MYO1B: variants seen among roughly 807,000 people sequenced by gnomAD.
MYO1B encodes unconventional myosin-Ib.
In MYO1B, 72 loss-of-function variants were observed where a neutral mutation model predicts 159.7. The observed-to-expected ratio is 0.45, with a 90% confidence interval of 0.37 to 0.55. The LOEUF (loss-of-function observed/expected upper bound fraction) is 0.55. MYO1B is among the 20% of genes least tolerant of loss of function. The pLI, the probability that MYO1B is intolerant of heterozygous loss-of-function variation, is 0.00. For synonymous variants in MYO1B, 468 were observed against 473.8 expected (o/e 0.99, Z 0.16); for missense variants, 1,062 against 1,364.8 (o/e 0.78, Z 3.50).
intron 9 of MYO1B, among the ~76,000 whole-genome samples, chr2:191,363,243 G>C (rs1332662006): frequency 6.6e-6 from 1 of 152,148 alleles, no homozygotes; most frequent in African/African-American, 2.4e-5. Flanking sequence ...GAACCACTTT[G>C]CCTGGCACGT....
chr2:191,267,316 A>G (rs1156280465), intron 1 of MYO1B, among the ~76,000 whole-genome samples: 1 of 152,186 alleles, frequency 6.6e-6, no homozygotes, highest in Non-Finnish European at 1.5e-5. Context: ...GAATTTGAAC[A>G]CAAGTCAACA....
rs1375624323 is a variant in MYO1B, at chr2:191,369,582, G to A, written c.1073G>A (p.Ser358Asn). 1.2e-6 allele frequency: 2 copies of A among 1,613,424 alleles called. No individual in the cohort carries two copies. The highest frequency in any genetic ancestry group is 2.7e-5 in the African/African-American group (2 of 74,864). ...GATGCTCTGGCTAAAAACCTCTACA[G>A]CAGGTTGTTTTCATGGTTGGTAAAT... is the stretch of plus-strand genomic sequence containing the variant. ...ARDALAKNLY[S>N]RLFSWLVNRI... is the part of the protein sequence containing the mutation. The change falls in exon 12 of 31, where the codon AGC (serine) becomes AAC (asparagine). Residue 358 changes from serine to asparagine, a missense_variant. Physicochemically the swap from Ser to Asn is conservative, Grantham distance 46. Coordinates refer to ENST00000392318, the MANE Select transcript of MYO1B (RefSeq NM_001130158.3).
At chr2:191,329,033 C>G (rs1210537820) in intron 3 of MYO1B, among the ~76,000 whole-genome samples, 1 of 152,184 alleles carries the variant, frequency 6.6e-6, no homozygotes, top group Admixed American at 6.5e-5. Context: ...TACACTCCAG[C>G]TTTTTCTTGA....
intron 19 of MYO1B, 118 bp from the exon 20 acceptor site, chr2:191,392,955 C>G (rs1267060780): frequency 1.2e-6 from 1 of 858,564 alleles, no homozygotes; most frequent in Non-Finnish European, 1.8e-6. Flanking sequence ...TTTTTCAGTT[C>G]TTTTTTTCAA....
At chr2:191,304,831 C>A (rs1160561989) in intron 3 of MYO1B, among the ~76,000 whole-genome samples, 1 of 152,086 alleles carries the variant, frequency 6.6e-6, no homozygotes, top group Non-Finnish European at 1.5e-5. Context: ...AGTTTATATC[C>A]CTTCTCACCA....
At chr2:191,285,934 G>C (rs1300172540) in intron 2 of MYO1B, among the ~76,000 whole-genome samples, 1 of 152,082 alleles carries the variant, frequency 6.6e-6, no homozygotes, top group Non-Finnish European at 1.5e-5. Context: ...ACAGGAAATG[G>C]ACCTGGATGC....
At chr2:191,314,944 T>C (rs1018683752) in intron 3 of MYO1B, among the ~76,000 whole-genome samples, 2 of 152,218 alleles carry the variant, frequency 1.3e-5, no homozygotes, top group Admixed American at 6.5e-5. Context: ...GCTATATTTT[T>C]AAATTGTAGA....
chr2:191,318,652 T>C (rs1456042779), intron 3 of MYO1B, among the ~76,000 whole-genome samples: 1 of 152,182 alleles, frequency 6.6e-6, no homozygotes, highest in African/African-American at 2.4e-5. Context: ...TGCTTGCAGA[T>C]CCAAGTGTTT....
chr2:191,391,899 T>C (rs1279507565), intron 18 of MYO1B, among the ~76,000 whole-genome samples: 1 of 152,188 alleles, frequency 6.6e-6, no homozygotes, highest in East Asian at 1.9e-4. Flanking sequence ...TTAGAATACA[T>C]AGTTATGAAC....
At chr2:191,331,427 A>T (rs985167172) in intron 4 of MYO1B, among the ~76,000 whole-genome samples, 1 of 152,068 alleles carries the variant, frequency 6.6e-6, no homozygotes, top group Non-Finnish European at 1.5e-5. Context: ...ATTCTTCCTT[A>T]CCTAGAGTTC....
chr2:191,330,505 G>C (rs1448266993), intron 4 of MYO1B, among the ~76,000 whole-genome samples: 1 of 152,102 alleles, frequency 6.6e-6, no homozygotes, highest in Non-Finnish European at 1.5e-5. Flanking sequence ...GTATTTTTTA[G>C]ACCTGGCAAG....
chr2:191,382,003 A>ATATT (rs1373068939), intron 14 of MYO1B, among the ~76,000 whole-genome samples: 2 of 152,202 alleles, frequency 1.3e-5, no homozygotes, highest in Non-Finnish European at 2.9e-5. Context: ...AGCAGGTATT[A>ATATT]TATTAAGTGC....
At chr2:191,317,261 A>C (rs1390055053) in intron 3 of MYO1B, among the ~76,000 whole-genome samples, 1 of 152,192 alleles carries the variant, frequency 6.6e-6, no homozygotes, top group Non-Finnish European at 1.5e-5. Context: ...AATGAGGATA[A>C]AAGTGATACT....
chr2:191,387,499 G>A (rs944415904), intron 17 of MYO1B, 49 bp downstream of exon 17: 22 of 1,504,112 alleles, frequency 1.5e-5, no homozygotes, highest in African/African-American at 1.2e-4. Context: ...AGAGCACCCC[G>A]AAGGAATATC....
intron 6 of MYO1B, among the ~76,000 whole-genome samples, chr2:191,349,861 A>G (rs1215725540): frequency 6.6e-6 from 1 of 152,190 alleles, no homozygotes; most frequent in African/African-American, 2.4e-5. Context: ...TTATTTTTGA[A>G]TTGAGTACAT....
intron 1 of MYO1B, among the ~76,000 whole-genome samples, chr2:191,269,407 C>T (rs1338663164): frequency 1.3e-5 from 2 of 152,182 alleles, no homozygotes; most frequent in Admixed American, 6.5e-5. Context: ...CATTGATGGA[C>T]ACTTGGGTTA....
intron 30 of MYO1B, among the ~76,000 whole-genome samples, chr2:191,420,797 A>G (rs1053604812): frequency 5.9e-5 from 9 of 152,202 alleles, no homozygotes; most frequent in African/African-American, 1.9e-4. Flanking sequence ...AAGTTATACA[A>G]TTGGTTTTCT....
chr2:191,343,997 A>G lies in MYO1B; in HGVS notation c.452-2239A>G, dbSNP rs143024625. Reference sequence around the variant, plus strand: ...TTAGGGTTGTGTTTAGTAATGTGCAACTCAGATTTGTTTGATGAAAAGATG... The same window carrying G: ...TTAGGGTTGTGTTTAGTAATGTGCAGCTCAGATTTGTTTGATGAAAAGATG... On this transcript the variant is annotated intron_variant, in intron 5 of 30. Coordinates refer to ENST00000392318, the MANE Select transcript of MYO1B (RefSeq NM_001130158.3). 9.6e-4 allele frequency among the ~76,000 whole-genome samples: 146 copies of G among 152,320 alleles called. 1 individual carries two copies. Among genetic ancestry groups the G allele is most frequent in the African/African-American group, 3.4e-3 (141 of 41,568 alleles).
chr2:191,404,996 T>C (rs1696828243), intron 24 of MYO1B, among the ~76,000 whole-genome samples: 2 of 152,298 alleles, frequency 1.3e-5, no homozygotes, highest in Middle Eastern at 3.4e-3. Flanking sequence ...GATTTCTGTA[T>C]AGCATATGTT....
Sources: allele counts gnomAD v4.1 joint callset (sites outside exome capture counted in the v4.1 genomes callset), GRCh38; gene constraint gnomAD v4.1.1; transcripts MANE v1.5; gene names NCBI Gene and HGNC (gene_info 2026-07-23, HGNC 2026-07-21).